The following TMEFF2 variants were observed in gnomAD, a reference collection of about 807,000 sequenced individuals.
The protein encoded by TMEFF2 is tomoregulin-2.
TMEFF2 carries 28 observed loss-of-function variants against 53.8 expected under a neutral mutation model. That is an observed-to-expected ratio of 0.52 (90% CI 0.39 to 0.71). The LOEUF is 0.71. TMEFF2 is among the 30% of genes least tolerant of loss of function. The pLI is 0.00. For missense variants in TMEFF2, 353 were observed against 455.2 expected (o/e 0.78, Z 2.04); for synonymous variants, 162 against 166.3 (o/e 0.97, Z 0.20).
At chr2:191,998,381 A>G in intron 6 of TMEFF2, 60 bp from the exon 7 acceptor site, 1 of 1,232,864 alleles carries the variant, frequency 8.1e-7, no homozygotes, top group Non-Finnish European at 1.2e-6. Context: ...CTAATATCAA[A>G]CTTATATATT....
At chr2:192,144,440 G>A (rs936202828) in intron 4 of TMEFF2, among the ~76,000 whole-genome samples, 7 of 151,880 alleles carry the variant, frequency 4.6e-5, no homozygotes, top group Non-Finnish European at 7.4e-5. Flanking sequence ...TAAGTATCAC[G>A]CTCTATTTGT....
At chr2:191,972,417 C>T (rs1224693140) in intron 7 of TMEFF2, among the ~76,000 whole-genome samples, 1 of 150,214 alleles carries the variant, frequency 6.7e-6, no homozygotes, top group Non-Finnish European at 1.5e-5. Context: ...CCCACCTCGG[C>T]CTCCCAAAGG....
intron 4 of TMEFF2, among the ~76,000 whole-genome samples, chr2:192,112,335 G>A (rs1438924705): frequency 6.6e-6 from 1 of 152,178 alleles, no homozygotes; most frequent in Non-Finnish European, 1.5e-5. Flanking sequence ...TGTGAGACAT[G>A]GAGTCAAAGG....
At position 191,949,725 on chromosome 2, in the gene TMEFF2, C is replaced by G. The variant is rs972111312; in HGVS notation, c.*586G>C. On this transcript the variant is annotated 3_prime_UTR_variant, in exon 10 of 10. Coordinates refer to ENST00000272771, the MANE Select transcript of TMEFF2 (RefSeq NM_016192.4). ...TTTAGTTTATATGCCAGAGATTTTT[C>G]TGCTCTAGGGATGAAAATGGAAGAC... 1.0e-6 allele frequency: 1 copy of G among 985,242 alleles called. No individual in the cohort carries two copies. Among genetic ancestry groups the G allele is most frequent in the Admixed American group, 6.2e-5 (1 of 16,250 alleles). 61.0% of individuals were successfully genotyped at this position (985,242 alleles called of 1,614,324 possible). A position where few individuals can be genotyped will look rare whatever the true frequency, so the allele number is the denominator to read the frequency against.
At chr2:192,128,882 G>A (rs114809311) in intron 4 of TMEFF2, among the ~76,000 whole-genome samples, 274 of 148,582 alleles carry the variant, frequency 1.8e-3, no homozygotes, top group African/African-American at 6.0e-3. Context: ...GTGCTGCAGC[G>A]GCGCATTTTG....
chr2:192,138,751 T>C (rs191494969), intron 4 of TMEFF2, among the ~76,000 whole-genome samples: 1 of 152,206 alleles, frequency 6.6e-6, no homozygotes, highest in Non-Finnish European at 1.5e-5. Flanking sequence ...ATTTAATCTT[T>C]AGCAGCAAAG....
At chr2:192,096,432 AAGAG>A (rs1426871684) in intron 4 of TMEFF2, among the ~76,000 whole-genome samples, 1 of 152,162 alleles carries the variant, frequency 6.6e-6, no homozygotes. Context: ...TTCTACATAT[AAGAG>A]ATATTCCTTG....
chr2:192,075,328 T>TATATATAC (rs1688404922), intron 4 of TMEFF2, among the ~76,000 whole-genome samples: 1 of 90,786 alleles, frequency 1.1e-5, no homozygotes, highest in African/African-American at 4.4e-5. Flanking sequence ...TATATATATA[T>TATATATAC]ATATACATAC....
At chr2:192,086,634 T>C (rs9288189) in intron 4 of TMEFF2, among the ~76,000 whole-genome samples, 149,456 of 152,208 alleles carry the variant, frequency 0.98, 73,441 homozygotes, top group East Asian at 1. Flanking sequence ...AATAATCAAA[T>C]TTTATGATCC....
rs115409851 is a variant in TMEFF2, at chr2:192,000,062, G to C, written c.537-854C>G. Among the ~76,000 whole-genome samples, 406 of 152,086 alleles carry C rather than the reference G, an allele frequency of 2.7e-3. 3 individuals are homozygous for C. The highest frequency in any genetic ancestry group is 8.7e-3 in the African/African-American group (362 of 41,522). ...CTAAAGAAGAATTAAACATTTTCAA[G>C]AAAATTTTATATGATTGTTCCTATA... On this transcript the variant is annotated intron_variant, in intron 5 of 9. Transcript: ENST00000272771.
chr2:192,164,664 G>T (rs1464508919), intron 4 of TMEFF2, among the ~76,000 whole-genome samples: 3 of 151,598 alleles, frequency 2.0e-5, no homozygotes, highest in African/African-American at 7.3e-5. Flanking sequence ...GGAGGTGGAG[G>T]TTGCAGTGAG....
At chr2:192,174,424 G>A (rs547784484) in intron 4 of TMEFF2, among the ~76,000 whole-genome samples, 1 of 151,548 alleles carries the variant, frequency 6.6e-6, no homozygotes, top group East Asian at 1.9e-4. Flanking sequence ...TCCTCCTTCT[G>A]TTTGCTTTCT....
At chr2:192,031,761 C>A (rs1687144031) in intron 5 of TMEFF2, 1 of 152,040 alleles carries the variant, frequency 6.6e-6, no homozygotes, top group Non-Finnish European at 1.5e-5. Context: ...AGATTTTAAT[C>A]TAATGGCTGC....
rs570639018 is a variant in TMEFF2 at position 192,093,630 on chromosome 2, G to A, written c.440-35855C>T. 3.3e-5 allele frequency among the ~76,000 whole-genome samples: 5 copies of A among 152,152 alleles called. No homozygotes were observed. In the South Asian group the frequency reaches 1.0e-3, roughly 32 times the overall value. On this transcript the variant is annotated intron_variant, in intron 4 of 9. Coordinates refer to ENST00000272771, the MANE Select transcript of TMEFF2 (RefSeq NM_016192.4). The stretch of plus-strand genomic sequence containing the variant: ...CTTTGAAGTTGCTGAATGAGAACCA[G>A]ACAAAAGAGACGGCACCAGGAATCT...
At chr2:191,990,372 T>A (rs1339257484) in intron 7 of TMEFF2, among the ~76,000 whole-genome samples, 1 of 151,546 alleles carries the variant, frequency 6.6e-6, no homozygotes, top group Admixed American at 6.6e-5. Flanking sequence ...ATTTGGGGCA[T>A]GTCAGACTCT....
chr2:192,069,654 A>G (rs1454474868), intron 4 of TMEFF2, among the ~76,000 whole-genome samples: 1 of 151,824 alleles, frequency 6.6e-6, no homozygotes, highest in Non-Finnish European at 1.5e-5. Flanking sequence ...CAAAGTGAAA[A>G]TAAATATTTG....
At chr2:192,019,139 T>C (rs1462868015) in intron 5 of TMEFF2, among the ~76,000 whole-genome samples, 1 of 152,088 alleles carries the variant, frequency 6.6e-6, no homozygotes, top group African/African-American at 2.4e-5. Flanking sequence ...TATCGCAATA[T>C]ATTATGTTGA....
intron 5 of TMEFF2, chr2:192,028,718 A>G (rs1687039029): frequency 6.6e-6 from 1 of 152,182 alleles, no homozygotes; most frequent in Non-Finnish European, 1.5e-5. Flanking sequence ...GTAAGTTTCC[A>G]CTATTCTTGT....
intron 7 of TMEFF2, among the ~76,000 whole-genome samples, chr2:191,966,413 T>G (rs188508331): frequency 6.6e-6 from 1 of 152,330 alleles, no homozygotes; most frequent in Admixed American, 6.5e-5. Context: ...AGGAAGAATT[T>G]ATTACCCCTT....
Sources: allele counts gnomAD v4.1 joint callset (sites outside exome capture counted in the v4.1 genomes callset), GRCh38; gene constraint gnomAD v4.1.1; transcripts MANE v1.5; gene names NCBI Gene and HGNC (gene_info 2026-07-23, HGNC 2026-07-21).